Variants in SRBD1 observed in about 807,000 individuals in gnomAD.
SRBD1 encodes S1 RNA binding domain 1, also known as S1 RNA-binding domain-containing protein 1.
SRBD1 carries 88 observed loss-of-function variants against 115.3 expected under a neutral mutation model. That is an observed-to-expected ratio of 0.76 (90% confidence interval 0.64 to 0.91). The LOEUF is 0.91. Ranked by LOEUF, SRBD1 falls within the 40% of genes least tolerant of loss-of-function variation. The probability of loss-of-function intolerance (pLI) is 0.00; values close to 1 mark genes in which losing one functional copy is unlikely to be tolerated. For synonymous variants in SRBD1, 509 were observed against 407.7 expected (o/e 1.25, Z -2.99); for missense variants, 1,385 against 1,177.4 (o/e 1.18, Z -2.58).
At chr2:45,515,225 G>C (rs529586373) in intron 14 of SRBD1, among the ~76,000 whole-genome samples, 1 of 152,140 alleles carries the variant, frequency 6.6e-6, no homozygotes, top group African/African-American at 2.4e-5. Context: ...TCTATGGTCA[G>C]ACACTGTTAT....
chr2:45,458,690 T>A (rs142114152), intron 16 of SRBD1, among the ~76,000 whole-genome samples: 16 of 152,288 alleles, frequency 1.1e-4, no homozygotes, highest in African/African-American at 2.9e-4. Flanking sequence ...GCTTTTCAGA[T>A]TGGCAGTGGA....
chr2:45,462,525 C>A (rs957150606), intron 16 of SRBD1, among the ~76,000 whole-genome samples: 3 of 151,920 alleles, frequency 2.0e-5, no homozygotes, highest in African/African-American at 7.3e-5. Flanking sequence ...TTTAATAATA[C>A]AGTACAATAA....
intron 15 of SRBD1, among the ~76,000 whole-genome samples, chr2:45,487,129 C>A (rs1474619877): frequency 6.6e-6 from 1 of 152,088 alleles, no homozygotes; most frequent in Non-Finnish European, 1.5e-5. Flanking sequence ...CGTAAGAACG[C>A]TTTTAGCTTT....
intron 12 of SRBD1, 29 bp downstream of exon 12, chr2:45,551,096 T>A: frequency 6.4e-7 from 1 of 1,567,454 alleles, no homozygotes; most frequent in Non-Finnish European, 8.6e-7. Flanking sequence ...CCAAACAACT[T>A]TTACATGGAA....
At chr2:45,523,005 T>C (rs1447229293) in intron 14 of SRBD1, among the ~76,000 whole-genome samples, 1 of 151,934 alleles carries the variant, frequency 6.6e-6, no homozygotes, top group Non-Finnish European at 1.5e-5. Context: ...TATTCTAAAA[T>C]CTGAAATCTT....
At chr2:45,443,806 A>G (rs993736035) in intron 16 of SRBD1, among the ~76,000 whole-genome samples, 1 of 8,336 alleles carries the variant, frequency 1.2e-4, no homozygotes, top group Middle Eastern at 0.031. Context: ...AGTTATTTTG[A>G]AAAAAAAAAA....
At chr2:45,426,480 AG>A (rs1163794651) in intron 16 of SRBD1, among the ~76,000 whole-genome samples, 1 of 152,218 alleles carries the variant, frequency 6.6e-6, no homozygotes, top group African/African-American at 2.4e-5. Flanking sequence ...TGGATCTCCC[AG>A]CACAGCACTA....
chr2:45,389,677 C>A, intron 20 of SRBD1, 78 bp from the exon 21 acceptor site: 1 of 1,370,952 alleles, frequency 7.3e-7, no homozygotes, highest in South Asian at 1.4e-5. Flanking sequence ...TAAGTACTTA[C>A]TACATACTAT....
chr2:45,585,739 A>G lies in SRBD1; in HGVS notation c.684T>C (p.Val228=). ...TAAAGAGACGAATGATGTTGGCACA[A>G]ACCCAAGGTTCAATATTAGTTCTCT... ...LSERTNIEPW[V]CANIIRLFND... The change falls in exon 5 of 21, where the codon GTT becomes GTC. Residue 228 remains valine, a synonymous_variant. Coordinates refer to ENST00000263736, the MANE Select transcript of SRBD1 (RefSeq NM_018079.5). 1 of 1,609,918 alleles carries G rather than the reference A, an allele frequency of 6.2e-7. No individual in the cohort carries two copies. Among genetic ancestry groups the G allele is most frequent in the Non-Finnish European group, 8.5e-7 (1 of 1,179,104 alleles).
chr2:45,592,287 G>C (rs1673751579), intron 4 of SRBD1, among the ~76,000 whole-genome samples: 1 of 152,052 alleles, frequency 6.6e-6, no homozygotes, highest in African/African-American at 2.4e-5. Context: ...CACCACCAAA[G>C]AAGCAAAGAA....
Position 45,562,634 on chromosome 2 carries a change from T to C in SRBD1, c.1409+19A>G. On this transcript the variant is annotated intron_variant, in intron 10 of 20. Transcript: ENST00000263736. ...TAGAAAAGAAACAAAGAAAATTCTG[T>C]AAATATCTGTAAACAGACCTGTTTT... The C allele has an allele frequency of 6.4e-7, 1 of 1,552,618 alleles. No homozygotes were observed. The highest frequency in any genetic ancestry group is 1.4e-5 in the African/African-American group (1 of 72,112).
chr2:45,515,286 C>T (rs1473507991), intron 14 of SRBD1, among the ~76,000 whole-genome samples: 1 of 151,934 alleles, frequency 6.6e-6, no homozygotes, highest in Admixed American at 6.6e-5. Context: ...TATTATTATC[C>T]CATATAGTAG....
Position 45,522,693 on chromosome 2 carries a change from A to C in SRBD1, c.1874+24039T>G, listed in dbSNP as rs1043807096. Among the ~76,000 whole-genome samples, 8 of 152,324 alleles carry C rather than the reference A, an allele frequency of 5.3e-5. No homozygotes were observed. The East Asian group carries it at 1.5e-3, about 29-fold the overall frequency. On this transcript the variant is annotated intron_variant, in intron 14 of 20. Transcript: ENST00000263736. ...TTTTTCTCTTCAGCCTACTCAAATAAAGATGATAAGGATGAAGACCTTTAT... is the reference window on the plus strand; with the variant it reads ...TTTTTCTCTTCAGCCTACTCAAATACAGATGATAAGGATGAAGACCTTTAT...
chr2:45,478,539 T>C (rs1669871622), intron 15 of SRBD1, among the ~76,000 whole-genome samples: 1 of 152,220 alleles, frequency 6.6e-6, no homozygotes. Flanking sequence ...GGCCTTCACA[T>C]AAACCTTTAT....
chr2:45,390,003 C>T (rs991994505), intron 20 of SRBD1, among the ~76,000 whole-genome samples: 10 of 151,872 alleles, frequency 6.6e-5, no homozygotes, highest in Non-Finnish European at 1.5e-4. Flanking sequence ...TGGTTTTTCC[C>T]CCAGTGCCTG....
At chr2:45,425,045 C>T (rs1048101073) in intron 16 of SRBD1, among the ~76,000 whole-genome samples, 2 of 152,120 alleles carry the variant, frequency 1.3e-5, no homozygotes, top group Non-Finnish European at 2.9e-5. Flanking sequence ...TCTGAATTAA[C>T]GAGTTCTGTA....
intron 16 of SRBD1, among the ~76,000 whole-genome samples, chr2:45,476,116 T>G (rs1669796419): frequency 6.6e-6 from 1 of 152,356 alleles, no homozygotes; most frequent in East Asian, 1.9e-4. Context: ...TTAGTCCAAC[T>G]TGCTATAAAA....
chr2:45,451,393 T>A (rs957946054), intron 16 of SRBD1, among the ~76,000 whole-genome samples: 2 of 152,074 alleles, frequency 1.3e-5, no homozygotes, highest in African/African-American at 4.8e-5. Context: ...AAAAATACTG[T>A]GCATTAATAT....
chr2:45,502,075 C>G (rs1011602448), intron 14 of SRBD1, among the ~76,000 whole-genome samples: 1 of 152,186 alleles, frequency 6.6e-6, no homozygotes, highest in Admixed American at 6.5e-5. Context: ...CGGCCGGGTA[C>G]CCCTCCAAGA....
Sources: allele counts gnomAD v4.1 joint callset (sites outside exome capture counted in the v4.1 genomes callset), GRCh38; gene constraint gnomAD v4.1.1; transcripts MANE v1.5; gene names NCBI Gene and HGNC (gene_info 2026-07-23, HGNC 2026-07-21).